The following NALF1 variants were observed in gnomAD, a reference collection of about 807,000 sequenced individuals.
NALF1 encodes NALCN channel auxiliary factor 1, also known as family with sequence similarity 155 member A.
A neutral mutation model predicts 48.4 loss-of-function variants in NALF1; 3 were observed. That is an observed-to-expected ratio of 0.06 (90% CI 0.03 to 0.16). The LOEUF is 0.16. Among genes scored for constraint, NALF1 ranks in the 10% least tolerant of loss-of-function variants. NALF1 has a pLI of 1.00. For missense variants in NALF1, 526 were observed against 571.5 expected, an observed-to-expected ratio of 0.92 and a Z score of 0.81; for synonymous variants, 262 against 245.7, an observed-to-expected ratio of 1.07 and a Z score of -0.62.
At chr13:107,219,351 A>G (rs926194202) in intron 1 of NALF1, among the ~76,000 whole-genome samples, 2 of 152,198 alleles carry the variant, frequency 1.3e-5, no homozygotes, top group African/African-American at 4.8e-5. Context: ...ATTAAAATTT[A>G]TATCTCTAAA....
intron 1 of NALF1, among the ~76,000 whole-genome samples, chr13:107,590,092 G>C (rs73593200): frequency 0.043 from 6,481 of 151,932 alleles, 229 homozygotes; most frequent in African/African-American, 0.1. Context: ...TACTATTTTT[G>C]ACAAATATCC....
At chr13:107,455,390 T>A (rs1254991037) in intron 1 of NALF1, among the ~76,000 whole-genome samples, 1 of 152,178 alleles carries the variant, frequency 6.6e-6, no homozygotes, top group Non-Finnish European at 1.5e-5. Flanking sequence ...TCAGAGCATG[T>A]TTAGTTTCAC....
intron 1 of NALF1, among the ~76,000 whole-genome samples, chr13:107,502,874 C>T (rs1406936848): frequency 6.6e-6 from 1 of 152,002 alleles, no homozygotes; most frequent in Non-Finnish European, 1.5e-5. Context: ...TGCAGATTGT[C>T]CATTTCTGTA....
intron 1 of NALF1, among the ~76,000 whole-genome samples, chr13:107,447,976 G>C (rs1884678461): frequency 6.6e-6 from 1 of 152,132 alleles, no homozygotes; most frequent in Non-Finnish European, 1.5e-5. Context: ...CTTGGTTCTG[G>C]GGAACTGATG....
At chr13:107,646,955 C>A (rs1880329801) in intron 1 of NALF1, among the ~76,000 whole-genome samples, 1 of 151,882 alleles carries the variant, frequency 6.6e-6, no homozygotes, top group East Asian at 1.9e-4. Flanking sequence ...AATTAAAATG[C>A]ACTCACCTGT....
intron 2 of NALF1, among the ~76,000 whole-genome samples, chr13:107,206,054 C>A (rs1566450692): frequency 6.6e-6 from 1 of 152,146 alleles, no homozygotes. Flanking sequence ...ATTATGCGAA[C>A]TGAGCTTGCA....
At chr13:107,236,741 T>C (rs1197556115) in intron 1 of NALF1, among the ~76,000 whole-genome samples, 1 of 151,184 alleles carries the variant, frequency 6.6e-6, no homozygotes, top group Non-Finnish European at 1.5e-5. Flanking sequence ...ATCTATCATC[T>C]ACAGTCATCC....
chr13:107,344,353 T>C (rs1234717232), intron 1 of NALF1, among the ~76,000 whole-genome samples: 1 of 152,172 alleles, frequency 6.6e-6, no homozygotes, highest in Non-Finnish European at 1.5e-5. Context: ...ATCATTACTC[T>C]GATACAAAAG....
At chr13:107,402,421 T>A (rs1883824834) in intron 1 of NALF1, among the ~76,000 whole-genome samples, 1 of 152,140 alleles carries the variant, frequency 6.6e-6, no homozygotes, top group South Asian at 2.1e-4. Context: ...CTTGGAGAGA[T>A]CCAAAGCAGA....
At chr13:107,287,653 C>T (rs1241999503) in intron 1 of NALF1, among the ~76,000 whole-genome samples, 2 of 151,358 alleles carry the variant, frequency 1.3e-5, no homozygotes, top group African/African-American at 4.8e-5. Context: ...AAGATCATGA[C>T]TAGTATATTT....
At chr13:107,825,016 T>C (rs377321019) in intron 1 of NALF1, among the ~76,000 whole-genome samples, 60 of 152,332 alleles carry the variant, frequency 3.9e-4, no homozygotes, top group African/African-American at 1.3e-3. Flanking sequence ...GTTGTTTAGT[T>C]ACTTGTTAGT....
intron 1 of NALF1, among the ~76,000 whole-genome samples, chr13:107,684,462 A>G (rs1881382522): frequency 1.3e-5 from 2 of 152,194 alleles, no homozygotes; most frequent in African/African-American, 4.8e-5. Flanking sequence ...GATCGTCCTC[A>G]GCAATCCTAG....
At chr13:107,676,804 T>C (rs1233822696) in intron 1 of NALF1, among the ~76,000 whole-genome samples, 1 of 152,166 alleles carries the variant, frequency 6.6e-6, no homozygotes, top group Non-Finnish European at 1.5e-5. Flanking sequence ...CTTATGTTTA[T>C]TTTTGTTGTA....
At chr13:107,476,774 A>G (rs1885182029) in intron 1 of NALF1, among the ~76,000 whole-genome samples, 1 of 152,076 alleles carries the variant, frequency 6.6e-6, no homozygotes, top group African/African-American at 2.4e-5. Flanking sequence ...CACCTAGTAG[A>G]AATTCTCTGG....
At chr13:107,328,988 T>C (rs1386088223) in intron 1 of NALF1, among the ~76,000 whole-genome samples, 2 of 152,154 alleles carry the variant, frequency 1.3e-5, no homozygotes, top group African/African-American at 4.8e-5. Context: ...CTGTAACATC[T>C]TAGATTATAT....
intron 1 of NALF1, among the ~76,000 whole-genome samples, chr13:107,604,297 C>G (rs1018895369): frequency 1.3e-5 from 2 of 152,090 alleles, no homozygotes; most frequent in Non-Finnish European, 2.9e-5. Context: ...GGCTTTTAAT[C>G]CAAATAATTA....
In NALF1 at chr13:107,866,561, G is replaced by C; in HGVS notation, c.36C>G (p.Asp12Glu). The C allele has an allele frequency of 6.2e-7, 1 of 1,611,660 alleles. No homozygotes were observed. Among genetic ancestry groups the C allele is most frequent in the Non-Finnish European group, 8.5e-7 (1 of 1,179,886 alleles). Residue 12 changes from aspartate to glutamate, a missense_variant, in exon 1 of 3, where the codon GAC (aspartate) becomes GAG (glutamate). This residue lies in a region of NALF1 where 373 missense variants were observed against 355.5 expected (regional missense o/e 1.05). Transcript: ENST00000375915. The surrounding 1 kb of genome is among the most constrained non-coding windows in gnomAD (Gnocchi z 4.4). The part of the protein sequence containing the change: ...TRGAWMCRQY[D>E]DGLKIWLAAP... ...CTGCCAACCAGATTTTTAAGCCGTCGTCATACTGCCGACACATCCAAGCAC... is the reference window on the plus strand; with the variant it reads ...CTGCCAACCAGATTTTTAAGCCGTCCTCATACTGCCGACACATCCAAGCAC...
Position 107,472,791 on chromosome 13 carries a change from C to T in NALF1, c.916-262036G>A, listed in dbSNP as rs185687701. On this transcript the variant is annotated intron_variant, in intron 1 of 2. Transcript: ENST00000375915. ...TTTGGGACTGGGACTGGCTTCCTGG[C>T]TCCTCAGCTTGCACACGGCCTATTG... Among the ~76,000 whole-genome samples the T allele has an allele frequency of 1.8e-4, 27 of 152,250 alleles. No homozygotes were observed. In the East Asian group the frequency reaches 5.2e-3, roughly 29 times the overall value.
At chr13:107,660,436 AAC>A (rs201215515) in intron 1 of NALF1, among the ~76,000 whole-genome samples, 9,940 of 93,484 alleles carry the variant, frequency 0.11, 424 homozygotes, top group South Asian at 0.13. Flanking sequence ...CTGTCTCAAA[AAC>A]ACACACACAC....
Sources: gnomAD v4.1 joint callset for allele counts (sites outside exome capture counted in the v4.1 genomes callset) on GRCh38, gnomAD v4.1.1 for gene constraint, gnomAD v4.1.1 regional missense constraint, Gnocchi (gnomAD v3.1) non-coding constraint, MANE v1.5 for transcripts, NCBI Gene and HGNC (gene_info 2026-07-23, HGNC 2026-07-21) for gene names.